LARGE1: variants seen among roughly 807,000 people sequenced by gnomAD.
LARGE1 encodes the protein xylosyl- and glucuronyltransferase LARGE1.
Under a neutral mutation model 87.6 loss-of-function variants are expected in LARGE1, and 43 were observed. The ratio of observed to expected loss-of-function variants is 0.49; its 90% CI spans 0.38 to 0.63. The LOEUF (loss-of-function observed/expected upper bound fraction) is 0.63. Among genes scored for constraint, LARGE1 ranks in the 30% least tolerant of loss-of-function variants. The probability of loss-of-function intolerance (pLI) is 0.00; values close to 1 mark genes in which losing one functional copy is unlikely to be tolerated. For synonymous variants in LARGE1, 434 were observed against 394.6 expected, an observed-to-expected ratio of 1.10 and a Z score of -1.18; for missense variants, 802 against 1,000.2, an observed-to-expected ratio of 0.80 and a Z score of 2.67.
intron 7 of LARGE1, among the ~76,000 whole-genome samples, chr22:33,388,949 T>G (rs1407483407): frequency 6.6e-6 from 1 of 152,238 alleles, no homozygotes; most frequent in East Asian, 1.9e-4. Flanking sequence ...CAGGCCCTTT[T>G]GTGGAAACAC....
chr22:33,239,862 C>T (rs751328471), intron 11 of LARGE1, among the ~76,000 whole-genome samples: 14 of 152,184 alleles, frequency 9.2e-5, no homozygotes, highest in Middle Eastern at 3.4e-3. Context: ...ATATGCTTTG[C>T]ATTTTCTTTT....
At chr22:33,319,686 G>A (rs925006274) in intron 10 of LARGE1, among the ~76,000 whole-genome samples, 62 of 152,240 alleles carry the variant, frequency 4.1e-4, no homozygotes, top group African/African-American at 1.2e-3. Context: ...GTGAGCTACC[G>A]CGCCCGGCCA....
intron 5 of LARGE1, among the ~76,000 whole-genome samples, chr22:33,571,274 C>G (rs545052127): frequency 3.9e-5 from 6 of 152,224 alleles, no homozygotes; most frequent in African/African-American, 1.4e-4. Context: ...GGGAAATCTG[C>G]CTTCTTGAAG....
At chr22:33,778,245 C>G (rs2085309466) in intron 1 of LARGE1, among the ~76,000 whole-genome samples, 1 of 152,198 alleles carries the variant, frequency 6.6e-6, no homozygotes, top group Admixed American at 6.5e-5. Flanking sequence ...TTTCCAACAG[C>G]AATGCCCTTT....
At chr22:33,303,137 T>C (rs1458254055) in intron 12 of LARGE1, among the ~76,000 whole-genome samples, 2 of 152,230 alleles carry the variant, frequency 1.3e-5, no homozygotes, top group African/African-American at 4.8e-5. Flanking sequence ...CCGAATTGTG[T>C]ACTATTCTGT....
chr22:33,154,439 A>T, the LARGE1 span, among the ~76,000 whole-genome samples: 1 of 152,022 alleles, frequency 6.6e-6, no homozygotes, highest in Admixed American at 6.5e-5. Context: ...AGGGTTTCAC[A>T]ATATTGGCCA....
At chr22:33,443,640 TTTC>T (rs2067577008) in intron 6 of LARGE1, among the ~76,000 whole-genome samples, 1 of 152,216 alleles carries the variant, frequency 6.6e-6, no homozygotes, top group South Asian at 2.1e-4. Context: ...CAGATAATGA[TTTC>T]TTCTGCCAAG....
rs561750953 is a variant in LARGE1 at position 33,550,792 on chromosome 22, C to T, written c.787+14056G>A. Among the ~76,000 whole-genome samples the T allele has an allele frequency of 6.5e-4, 99 of 152,242 alleles. 1 individual carries two copies. The highest frequency in any genetic ancestry group is 2.0e-3 in the African/African-American group (85 of 41,534). On this transcript the variant is annotated intron_variant, in intron 6 of 14. Coordinates refer to ENST00000397394, the MANE Select transcript of LARGE1 (RefSeq NM_133642.5). ...ACAATAGCAAAGACATGAAATCAAC[C>T]GACGTGCCCATCAATGGATAATGCA...
intron 2 of LARGE1, among the ~76,000 whole-genome samples, chr22:33,722,310 AGGAGGGAGAG>A (rs1358493731): frequency 7.8e-5 from 9 of 115,724 alleles, no homozygotes; most frequent in Non-Finnish European, 9.1e-5. Flanking sequence ...GGAGAGGGAG[AGGAGGGAGAG>A]GGAGAGGAGG....
chr22:33,089,096 T>C, the LARGE1 span, among the ~76,000 whole-genome samples: 1 of 152,188 alleles, frequency 6.6e-6, no homozygotes, highest in African/African-American at 2.4e-5. Context: ...ACTAGGTCAT[T>C]GCAACTCCAG....
intron 6 of LARGE1, among the ~76,000 whole-genome samples, chr22:33,433,621 A>G (rs1415367681): frequency 6.6e-6 from 1 of 151,474 alleles, no homozygotes; most frequent in Non-Finnish European, 1.5e-5. Context: ...AAAAAAAAAA[A>G]AAAAAAAAAG....
chr22:33,596,934 C>T (rs1032372370), intron 5 of LARGE1, among the ~76,000 whole-genome samples: 10 of 152,196 alleles, frequency 6.6e-5, no homozygotes, highest in Non-Finnish European at 1.5e-4. Flanking sequence ...GGTATTAACA[C>T]ATTATTAGTG....
chr22:33,906,142 A>C (rs998673393), intron 1 of LARGE1, among the ~76,000 whole-genome samples: 2 of 152,072 alleles, frequency 1.3e-5, no homozygotes, highest in Non-Finnish European at 2.9e-5. Context: ...AAATAAATAA[A>C]TTGATTAATT....
intron 1 of LARGE1, among the ~76,000 whole-genome samples, chr22:33,814,636 C>G (rs571581453): frequency 3.3e-4 from 51 of 152,262 alleles, no homozygotes; most frequent in African/African-American, 1.2e-3. Context: ...CATTTTCTGC[C>G]CAAGAGTCCA....
chr22:33,612,747 T>C (rs957689228), intron 4 of LARGE1, among the ~76,000 whole-genome samples: 3 of 152,218 alleles, frequency 2.0e-5, no homozygotes, highest in African/African-American at 7.2e-5. Flanking sequence ...ACTGCAAACT[T>C]CATTCTCTAA....
chr22:33,655,144 T>C (rs566760144), intron 2 of LARGE1, among the ~76,000 whole-genome samples: 1 of 152,296 alleles, frequency 6.6e-6, no homozygotes, highest in East Asian at 1.9e-4. Flanking sequence ...TACCCAAATA[T>C]GTGATCAAAC....
intron 5 of LARGE1, chr22:33,572,356 T>C (rs2078231546): frequency 6.3e-6 from 2 of 316,898 alleles, no homozygotes; most frequent in Non-Finnish European, 1.2e-5. Context: ...ACAGAGACAC[T>C]GGCAGATGCC....
In LARGE1 at chr22:33,785,222, T is replaced by C. The variant is rs192499826; in HGVS notation, c.-82-23664A>G. ...GTATACATACATATGTGTATATACA[T>C]ATATGTGTATACATACATATGTGTA... On this transcript the variant is annotated intron_variant, in intron 1 of 14. Coordinates refer to ENST00000397394, the MANE Select transcript of LARGE1 (RefSeq NM_133642.5). 3.3e-3 allele frequency among the ~76,000 whole-genome samples: 496 copies of C among 148,824 alleles called. 13 individuals carry two copies. Among genetic ancestry groups the C allele is most frequent in the African/African-American group, 0.012 (476 of 39,180 alleles).
chr22:33,710,983 C>T (rs1436414427), intron 2 of LARGE1, among the ~76,000 whole-genome samples: 8 of 152,240 alleles, frequency 5.3e-5, no homozygotes, highest in Middle Eastern at 3.4e-3. Context: ...CAAATCTTTA[C>T]GTAAGAAATC....
Sources: allele counts gnomAD v4.1 joint callset (sites outside exome capture counted in the v4.1 genomes callset), GRCh38; gene constraint gnomAD v4.1.1; transcripts MANE v1.5; gene names NCBI Gene and HGNC (gene_info 2026-07-23, HGNC 2026-07-21).